The following PCDH19 variants were observed in gnomAD, a reference collection of about 807,000 sequenced individuals.
The protein encoded by PCDH19 is protocadherin-19.
In PCDH19, 6 loss-of-function variants were observed where a neutral mutation model predicts 46.2. The ratio of observed to expected loss-of-function variants is 0.13; its 90% CI spans 0.07 to 0.26. The LOEUF (loss-of-function observed/expected upper bound fraction) is 0.26, where lower values mean the gene tolerates loss of function less well. Ranked by LOEUF, PCDH19 falls within the 10% of genes least tolerant of loss-of-function variation. PCDH19 has a pLI of 1.00. For synonymous variants in PCDH19, 481 were observed against 415.7 expected (o/e 1.16, Z -1.91); for missense variants, 740 against 972.3 (o/e 0.76, Z 3.18).
chrX:100,383,134 A>G (rs181690964), intron 3 of PCDH19, among the ~76,000 whole-genome samples: 98 of 112,380 alleles, frequency 8.7e-4, no homozygotes, highest in African/African-American at 3.2e-3. Flanking sequence ...TCAAAAAGAG[A>G]TCATAATAGT....
chrX:100,339,736 A>G (rs749983995), intron 5 of PCDH19, among the ~76,000 whole-genome samples: 43 of 111,768 alleles, frequency 3.8e-4, no homozygotes, highest in South Asian at 3.8e-4. Flanking sequence ...ACAAGGCCCA[A>G]ATTCTTTTTG....
rs1453403568 is a variant in PCDH19 at position 100,409,219 on chromosome X, T to A, written c.-622A>T. The A allele has an allele frequency of 8.9e-6, 1 of 112,139 alleles. No homozygotes were observed. Among genetic ancestry groups the A allele is most frequent in the East Asian group, 2.9e-4 (1 of 3,481 alleles). The allele number at this position is 112,139 out of a possible 1,213,427, so 9.2% of individuals were successfully genotyped here. On this transcript the variant is annotated 5_prime_UTR_variant, in exon 1 of 6. Coordinates refer to ENST00000373034, the MANE Select transcript of PCDH19 (RefSeq NM_001184880.2). The stretch of plus-strand genomic sequence containing the variant: ...CCACACTGGCCTCTTCGAGGCCTGT[T>A]CGGGAGAAAGGGGGTGTCGCAGACG...
intron 5 of PCDH19, among the ~76,000 whole-genome samples, chrX:100,320,790 C>CT (rs1249904796): frequency 4.1e-4 from 42 of 103,355 alleles, no homozygotes; most frequent in African/African-American, 6.7e-4. Context: ...TTTTTTTAAC[C>CT]TTTTTTTTTC....
chrX:100,408,121 T>C lies in PCDH19; in HGVS notation c.477A>G (p.Gly159=). 1.7e-6 allele frequency: 2 copies of C among 1,211,177 alleles called. No individual in the cohort carries two copies. The highest frequency in any genetic ancestry group is 3.5e-5 in the South Asian group (2 of 57,015). ...GCTCGTAAGTCTGCACGCCAAAGCT[T>C]CCTGAGTCTGGATCGTAAGCGCTGT... ...PLDSAYDPDS[G]SFGVQTYELT... The change falls in exon 1 of 6, where the codon GGA becomes GGG. Residue 159 remains glycine, a synonymous_variant. Transcript: ENST00000373034.
At chrX:100,312,437 T>G (rs7064056) in intron 5 of PCDH19, among the ~76,000 whole-genome samples, 26,736 of 111,218 alleles carry the variant, frequency 0.24, 2,778 homozygotes, top group Middle Eastern at 0.47. Flanking sequence ...TCATTATCCA[T>G]CTTACATGGA....
chrX:100,395,995 GC>G (rs907533921), intron 3 of PCDH19, among the ~76,000 whole-genome samples: 5 of 112,080 alleles, frequency 4.5e-5, no homozygotes, highest in Middle Eastern at 4.2e-3. Flanking sequence ...AAGAAATCAA[GC>G]CTCTTCTCCG....
chrX:100,387,827 T>G (rs1350226279), intron 3 of PCDH19, among the ~76,000 whole-genome samples: 1 of 111,576 alleles, frequency 9.0e-6, no homozygotes, highest in Non-Finnish European at 1.9e-5. Context: ...AATGTAAAAC[T>G]TCATACTTGT....
At chrX:100,303,269 AAAG>A (rs1307473274) in intron 5 of PCDH19, among the ~76,000 whole-genome samples, 2 of 110,374 alleles carry the variant, frequency 1.8e-5, no homozygotes, top group African/African-American at 6.6e-5. Flanking sequence ...GATCAATGGA[AAAG>A]AAAGGAAGGA....
chrX:100,302,359 T>C (rs1924808253), intron 5 of PCDH19, among the ~76,000 whole-genome samples: 1 of 112,002 alleles, frequency 8.9e-6, no homozygotes, highest in Non-Finnish European at 1.9e-5. Context: ...TAAATTTCAC[T>C]TCCCCAGGGA....
intron 5 of PCDH19, among the ~76,000 whole-genome samples, chrX:100,304,511 G>A (rs184686331): frequency 9.0e-5 from 10 of 111,319 alleles, no homozygotes; most frequent in South Asian, 3.8e-4. Flanking sequence ...ACAAAACAAG[G>A]TTCTTTAACA....
At chrX:100,351,291 G>T (rs776118033) in intron 3 of PCDH19, among the ~76,000 whole-genome samples, 8 of 112,503 alleles carry the variant, frequency 7.1e-5, no homozygotes, top group Non-Finnish European at 1.3e-4. Context: ...GTCCACAGGG[G>T]GTGCCAAAGC....
intron 3 of PCDH19, among the ~76,000 whole-genome samples, chrX:100,355,525 G>A (rs2015724392): frequency 9.0e-6 from 1 of 111,362 alleles, no homozygotes; most frequent in South Asian, 3.8e-4. Flanking sequence ...TTACTCTACT[G>A]TGTTCTTGGA....
At chrX:100,386,885 A>T (rs1269039874) in intron 3 of PCDH19, among the ~76,000 whole-genome samples, 1 of 112,085 alleles carries the variant, frequency 8.9e-6, no homozygotes, top group Non-Finnish European at 1.9e-5. Context: ...TGCACATATA[A>T]GAAATATATA....
At chrX:100,298,108 AC>A (rs1924672817) in intron 5 of PCDH19, among the ~76,000 whole-genome samples, 1 of 110,880 alleles carries the variant, frequency 9.0e-6, no homozygotes, top group Admixed American at 9.6e-5. Context: ...TATATATAAC[AC>A]ATCTTCCTTG....
chrX:100,315,596 CT>C (rs1218898335), intron 5 of PCDH19, among the ~76,000 whole-genome samples: 1 of 112,375 alleles, frequency 8.9e-6, no homozygotes, highest in Admixed American at 9.4e-5. Context: ...GCCTTCCTGT[CT>C]GTTCCGCCCA....
At chrX:100,333,828 C>T (rs1330778421) in intron 5 of PCDH19, among the ~76,000 whole-genome samples, 3 of 100,663 alleles carry the variant, frequency 3.0e-5, no homozygotes, top group African/African-American at 1.1e-4. Context: ...CTCACTGTGT[C>T]ACCCAGGCTG....
At chrX:100,296,961 C>G in intron 5 of PCDH19, 86 bp from the exon 6 acceptor site, 1 of 891,367 alleles carries the variant, frequency 1.1e-6, no homozygotes, top group Non-Finnish European at 1.6e-6. Flanking sequence ...CTTAGATATC[C>G]ACAGGCCCTT....
chrX:100,347,837 T>C (rs1219152833), intron 4 of PCDH19, among the ~76,000 whole-genome samples: 2 of 105,977 alleles, frequency 1.9e-5, no homozygotes, highest in Non-Finnish European at 3.9e-5. Context: ...CCAAGGTGGG[T>C]GGATCATTTG....
rs141259043 is a variant in PCDH19, at chrX:100,366,737, A to C, written c.2617-16033T>G. On this transcript the variant is annotated intron_variant, in intron 3 of 5. Coordinates refer to ENST00000373034, the MANE Select transcript of PCDH19 (RefSeq NM_001184880.2). ...AGTATGTTAATTGCACATCATTCTTATTTATTCATTAAAACAAGTCCAAGG... is the reference window on the plus strand; with the variant it reads ...AGTATGTTAATTGCACATCATTCTTCTTTATTCATTAAAACAAGTCCAAGG... 8.5e-4 allele frequency among the ~76,000 whole-genome samples: 96 copies of C among 112,701 alleles called. 1 individual carries two copies. The highest frequency in any genetic ancestry group is 1.7e-3 in the Non-Finnish European group (88 of 53,291).
Sources: gnomAD v4.1 joint callset for allele counts (sites outside exome capture counted in the v4.1 genomes callset) on GRCh38, gnomAD v4.1.1 for gene constraint, MANE v1.5 for transcripts, NCBI Gene and HGNC (gene_info 2026-07-23, HGNC 2026-07-21) for gene names.